NLRC4: variants seen among roughly 807,000 people sequenced by gnomAD.
NLRC4 encodes the protein NLR family CARD domain-containing protein 4.
Under a neutral mutation model 79.9 loss-of-function variants are expected in NLRC4, and 63 were observed. That is an observed-to-expected ratio of 0.79 (90% confidence interval 0.64 to 0.97). The LOEUF (loss-of-function observed/expected upper bound fraction) is 0.97, where lower values mean the gene tolerates loss of function less well. NLRC4 is among the 50% of genes least tolerant of loss of function. The probability of loss-of-function intolerance (pLI) is 0.00; values close to 1 mark genes in which losing one functional copy is unlikely to be tolerated. For synonymous variants in NLRC4, 461 were observed against 456.5 expected (o/e 1.01, Z -0.12); for missense variants, 1,074 against 1,215.2 (o/e 0.88, Z 1.73).
chr2:32,246,974 T>G (rs1445744604), intron 4 of NLRC4, among the ~76,000 whole-genome samples: 2 of 152,140 alleles, frequency 1.3e-5, no homozygotes, highest in Non-Finnish European at 2.9e-5. Context: ...GTCTTCCTAT[T>G]GTGTCCAGGC....
chr2:32,260,533 C>T (rs2148948413), intron 1 of NLRC4, among the ~76,000 whole-genome samples: 1 of 152,262 alleles, frequency 6.6e-6, no homozygotes, highest in Non-Finnish European at 1.5e-5. Flanking sequence ...ATAAAGTTTC[C>T]TTTCATTCAA....
intron 8 of NLRC4, among the ~76,000 whole-genome samples, chr2:32,232,466 T>G (rs1686560625): frequency 6.6e-6 from 1 of 152,186 alleles, no homozygotes; most frequent in South Asian, 2.1e-4. Flanking sequence ...TCTACTATAT[T>G]TCATTTCATA....
At position 32,241,062 on chromosome 2, in the gene NLRC4, T is replaced by C; in HGVS notation, c.2321A>G (p.Lys774Arg). The C allele has an allele frequency of 1.2e-6, 2 of 1,607,006 alleles. No individual in the cohort carries two copies. The highest frequency in any genetic ancestry group is 1.7e-6 in the Non-Finnish European group (2 of 1,174,200). The stretch of plus-strand genomic sequence containing the variant: ...TTTTATAGCATCTTCTTCATTCATC[T>C]TTATGTTATCCATTATGAGCTTTGT... ...NLTKLIMDNIKMNEEDAIKLA... is the reference protein window; with the variant it reads ...NLTKLIMDNIRMNEEDAIKLA... The change falls in exon 5 of 9, where the codon AAG becomes AGG. Residue 774 changes from lysine (K) to arginine (R), a missense_variant. Lys to Arg is a conservative substitution (Grantham distance 26). Transcript: ENST00000402280.
At chr2:32,244,453 A>G (rs1397160818) in intron 4 of NLRC4, among the ~76,000 whole-genome samples, 2 of 152,180 alleles carry the variant, frequency 1.3e-5, no homozygotes, top group Non-Finnish European at 2.9e-5. Context: ...GAAAGTCTGA[A>G]TGCTTTCTCC....
At chr2:32,262,074 T>C (rs1687365800) in intron 1 of NLRC4, among the ~76,000 whole-genome samples, 1 of 151,708 alleles carries the variant, frequency 6.6e-6, no homozygotes, top group South Asian at 2.1e-4. Context: ...AGCGAGACTC[T>C]GGGTCAAAAA....
At position 32,238,696 on chromosome 2, in the gene NLRC4, A is replaced by G. The variant is rs1208615384; in HGVS notation, c.2351-394T>C. On this transcript the variant is annotated intron_variant, in intron 5 of 8. Coordinates refer to ENST00000402280, the MANE Select transcript of NLRC4 (RefSeq NM_001199138.2). Reference sequence around the variant, plus strand: ...GCTGAGTTCAGGGAGGTAGATGAGGACTTGGCTCCTTGGAGTGCTTCTAGT... The same window carrying G: ...GCTGAGTTCAGGGAGGTAGATGAGGGCTTGGCTCCTTGGAGTGCTTCTAGT... Among the ~76,000 whole-genome samples the G allele has an allele frequency of 3.3e-5, 5 of 152,000 alleles. No homozygotes were observed. In the East Asian group the frequency reaches 9.6e-4, roughly 29 times the overall value.
chr2:32,257,382 C>T (rs985313040), intron 1 of NLRC4, among the ~76,000 whole-genome samples: 17 of 152,042 alleles, frequency 1.1e-4, no homozygotes, highest in Admixed American at 2.0e-4. Context: ...CCGAGGCAGG[C>T]GGATCACGTG....
chr2:32,224,954 C>G (rs1410269999), intron 8 of NLRC4, among the ~76,000 whole-genome samples, 189 bp from the exon 9 acceptor site: 1 of 151,790 alleles, frequency 6.6e-6, no homozygotes, highest in Non-Finnish European at 1.5e-5. Flanking sequence ...TGAATATGGT[C>G]TATTATATTT....
intron 5 of NLRC4, among the ~76,000 whole-genome samples, chr2:32,240,319 G>A (rs573314618): frequency 2.6e-5 from 4 of 151,330 alleles, no homozygotes; most frequent in South Asian, 2.1e-4. Flanking sequence ...GTTGTCTTTC[G>A]GCAGGAAGCA....
intron 8 of NLRC4, among the ~76,000 whole-genome samples, chr2:32,225,047 T>C (rs1686346838): frequency 6.6e-6 from 1 of 152,158 alleles, no homozygotes; most frequent in African/African-American, 2.4e-5. Context: ...TTTTTTCCCC[T>C]TTTCCTTACT....
intron 4 of NLRC4, among the ~76,000 whole-genome samples, chr2:32,245,689 T>C (rs1029464417): frequency 2.6e-5 from 4 of 152,222 alleles, no homozygotes; most frequent in Non-Finnish European, 5.9e-5. Context: ...GATGTGATTA[T>C]TACACATTGC....
chr2:32,236,160 TA>T, intron 7 of NLRC4, 86 bp downstream of exon 7: 1 of 785,326 alleles, frequency 1.3e-6, no homozygotes, highest in Admixed American at 2.6e-5. Context: ...CACATGGGTA[TA>T]AAAGACCTCA....
chr2:32,229,111 C>T (rs1022856155), intron 8 of NLRC4, among the ~76,000 whole-genome samples: 1 of 151,944 alleles, frequency 6.6e-6, no homozygotes, highest in Non-Finnish European at 1.5e-5. Flanking sequence ...TTGAAAGATA[C>T]CATTTAACAA....
intron 4 of NLRC4, among the ~76,000 whole-genome samples, chr2:32,247,827 A>G (rs540271741): frequency 6.6e-6 from 1 of 152,116 alleles, no homozygotes; most frequent in African/African-American, 2.4e-5. Context: ...GAAAATTTAA[A>G]ACAAAACTAA....
chr2:32,241,307 A>C (rs564258431), intron 4 of NLRC4, among the ~76,000 whole-genome samples, 182 bp from the exon 5 acceptor site: 1 of 152,048 alleles, frequency 6.6e-6, no homozygotes, highest in East Asian at 1.9e-4. Context: ...ACTTCACTGT[A>C]AGCATGTTCT....
intron 2 of NLRC4, among the ~76,000 whole-genome samples, chr2:32,253,756 G>C (rs1687140392): frequency 6.6e-6 from 1 of 151,858 alleles, no homozygotes; most frequent in Non-Finnish European, 1.5e-5. Flanking sequence ...CCAGAGGTCG[G>C]GAGTTCGAGA....
chr2:32,239,868 C>G (rs1686755819), intron 5 of NLRC4, among the ~76,000 whole-genome samples: 1 of 152,198 alleles, frequency 6.6e-6, no homozygotes, highest in Non-Finnish European at 1.5e-5. Flanking sequence ...CCTTCCAGCT[C>G]TGATTTTCTG....
intron 4 of NLRC4, among the ~76,000 whole-genome samples, chr2:32,247,257 C>T (rs1002511832): frequency 4.0e-5 from 6 of 151,500 alleles, no homozygotes; most frequent in African/African-American, 1.2e-4. Context: ...TGGGGGTGCT[C>T]GCAGGAGAAG....
intron 1 of NLRC4, among the ~76,000 whole-genome samples, chr2:32,258,408 G>A (rs768687359): frequency 6.6e-6 from 1 of 152,198 alleles, no homozygotes; most frequent in Non-Finnish European, 1.5e-5. Flanking sequence ...CTTGGGAAAT[G>A]CAACATTTGG....
Sources: gnomAD v4.1 joint callset for allele counts (sites outside exome capture counted in the v4.1 genomes callset) on GRCh38, gnomAD v4.1.1 for gene constraint, MANE v1.5 for transcripts, NCBI Gene and HGNC (gene_info 2026-07-23, HGNC 2026-07-21) for gene names.